FARP2: variants seen among roughly 807,000 people sequenced by gnomAD.
The protein encoded by FARP2 is FERM, ARH/RhoGEF and pleckstrin domain protein 2, also known as FERM, ARHGEF and pleckstrin domain-containing protein 2.
A neutral mutation model predicts 130.5 loss-of-function variants in FARP2; 111 were observed. That is an observed-to-expected ratio of 0.85 (90% CI 0.73 to 1.00). The LOEUF (loss-of-function observed/expected upper bound fraction) is 1.00. FARP2 is among the 50% of genes least tolerant of loss of function. The pLI is 0.00. For missense variants in FARP2, 1,385 were observed against 1,346.3 expected, an observed-to-expected ratio of 1.03 and a Z score of -0.45; for synonymous variants, 504 against 516.9, an observed-to-expected ratio of 0.98 and a Z score of 0.34.
At position 241,468,188 on chromosome 2, in the gene FARP2, GA is replaced by G. The variant is rs776365478; in HGVS notation, c.1946del (p.Lys649ArgfsTer31). The G allele has an allele frequency of 3.7e-6, 6 of 1,614,028 alleles. No individual in the cohort carries two copies. Among genetic ancestry groups the G allele is most frequent in the Non-Finnish European group, 5.1e-6 (6 of 1,179,920 alleles). On this transcript the variant is annotated frameshift_variant, in exon 18 of 27. Coordinates refer to ENST00000264042, the MANE Select transcript of FARP2 (RefSeq NM_014808.4). LOFTEE classifies it high-confidence loss of function. ...ACATGACGAGGTCCTAACAGAACTG[GA>G]AAAGGCTACCAAACGCTGTAAGAAG... ...QRHDEVLTEL[E>X]KATKRCKKLE...
chr2:241,470,056 T>C (rs1157396346), intron 18 of FARP2, among the ~76,000 whole-genome samples: 1 of 152,196 alleles, frequency 6.6e-6, no homozygotes, highest in Non-Finnish European at 1.5e-5. Context: ...TTTCCCTCCA[T>C]GACCCCACTC....
rs2064222430 is a variant in FARP2, at chr2:241,468,153, A to T, written c.1907A>T (p.Tyr636Phe). ...GCGCCTCCACAGGAGTTTACCAGCT[A>T]CTTCCAAAGACATGACGAGGTCCTA... is the stretch of plus-strand genomic sequence containing the variant. ...NMRQLKEFTSYFQRHDEVLTE... is the reference protein window; with the variant it reads ...NMRQLKEFTSFFQRHDEVLTE... Residue 636 changes from tyrosine to phenylalanine, a missense_variant, in exon 18 of 27, where the codon TAC (tyrosine) becomes TTC (phenylalanine). By Grantham distance (22) the Tyr-to-Phe change is conservative. Transcript: ENST00000264042. The T allele has an allele frequency of 3.7e-6, 6 of 1,612,836 alleles. No individual in the cohort carries two copies. In the Middle Eastern group the frequency reaches 8.2e-4, roughly 222 times the overall value.
intron 2 of FARP2, among the ~76,000 whole-genome samples, chr2:241,388,657 G>A (rs1197681470): frequency 6.6e-6 from 1 of 152,016 alleles, no homozygotes. Flanking sequence ...AACATAGCAA[G>A]ATCCCGTCAC....
intron 2 of FARP2, among the ~76,000 whole-genome samples, chr2:241,383,770 AT>A (rs1330597636): frequency 2.6e-5 from 4 of 152,098 alleles, no homozygotes; most frequent in Non-Finnish European, 5.9e-5. Context: ...AGGAGCCAAC[AT>A]GGTGCAAGGA....
At position 241,459,138 on chromosome 2, in the gene FARP2, C is replaced by T. The variant is rs1448943632; in HGVS notation, c.1587+2216C>T. Among the ~76,000 whole-genome samples the T allele has an allele frequency of 2.0e-5, 3 of 152,206 alleles. No homozygotes were observed. The highest frequency in any genetic ancestry group is 2.1e-4 in the South Asian group (1 of 4,834). On this transcript the variant is annotated intron_variant, in intron 14 of 26. Transcript: ENST00000264042. The surrounding 1 kb of genome is among the most constrained non-coding windows in gnomAD (Gnocchi z 5.3). ...GCTGTTGCCCAGCACAGGTGGGCTC[C>T]GAGATGGCAAGGATGGCCCTTTCAT...
intron 2 of FARP2, among the ~76,000 whole-genome samples, chr2:241,376,735 G>C (rs539553548): frequency 6.6e-6 from 1 of 152,346 alleles, no homozygotes; most frequent in Non-Finnish European, 1.5e-5. Flanking sequence ...TGGTCAGGTG[G>C]TTTTTGCTGT....
At chr2:241,455,695 A>G (rs2063813301) in intron 13 of FARP2, among the ~76,000 whole-genome samples, 1 of 150,490 alleles carries the variant, frequency 6.6e-6, no homozygotes, top group South Asian at 2.1e-4. Context: ...GGTGATTTTT[A>G]AACAGCAGTT....
intron 19 of FARP2, chr2:241,478,366 G>A (rs2064527246): frequency 5.2e-6 from 1 of 193,810 alleles, no homozygotes; most frequent in African/African-American, 2.4e-5. Context: ...GGCTGGCGGG[G>A]GCGACCTGTG....
intron 5 of FARP2, among the ~76,000 whole-genome samples, chr2:241,408,229 G>T (rs753695327): frequency 2.0e-5 from 3 of 152,136 alleles, no homozygotes; most frequent in Non-Finnish European, 4.4e-5. Context: ...AAAATAAGCC[G>T]GGCATGGTGG....
chr2:241,382,292 A>ATTT (rs772855102), intron 2 of FARP2, among the ~76,000 whole-genome samples: 11 of 126,254 alleles, frequency 8.7e-5, no homozygotes, highest in Middle Eastern at 4.2e-3. Context: ...TACAAAATCT[A>ATTT]TTTTTTTTTT....
chr2:241,456,560 C>T, intron 13 of FARP2, 187 bp from the exon 14 acceptor site: 1 of 616,904 alleles, frequency 1.6e-6, no homozygotes, highest in South Asian at 2.1e-5. Context: ...AACCATCAAC[C>T]CTCATTTTCA....
intron 25 of FARP2, 73 bp from the exon 26 acceptor site, chr2:241,493,220 C>A: frequency 1.3e-6 from 2 of 1,502,948 alleles, no homozygotes; most frequent in South Asian, 1.2e-5. Flanking sequence ...CACCGTTGTG[C>A]AGGTAGCAGA....
intron 18 of FARP2, among the ~76,000 whole-genome samples, chr2:241,474,801 T>TAATTAATAAATA (rs1553733956): frequency 7.1e-6 from 1 of 140,314 alleles, no homozygotes; most frequent in Non-Finnish European, 1.5e-5. Flanking sequence ...CTAATAATAA[T>TAATTAATAAATA]AATAAATAAA....
At chr2:241,381,904 G>T (rs924644121) in intron 2 of FARP2, among the ~76,000 whole-genome samples, 4 of 152,194 alleles carry the variant, frequency 2.6e-5, no homozygotes, top group Admixed American at 6.5e-5. Flanking sequence ...TCGAGCAAAG[G>T]CCCATTGGGT....
intron 8 of FARP2, among the ~76,000 whole-genome samples, chr2:241,426,438 A>C (rs1279115465): frequency 6.6e-6 from 1 of 152,250 alleles, no homozygotes; most frequent in Non-Finnish European, 1.5e-5. Flanking sequence ...TTTAAAATTT[A>C]CCAACAATTA....
intron 12 of FARP2, among the ~76,000 whole-genome samples, chr2:241,437,648 A>ATATTTATTTATT (rs546520221): frequency 6.4e-5 from 9 of 139,546 alleles, no homozygotes; most frequent in East Asian, 4.4e-4. Context: ...ACATATATAT[A>ATATTTATTTATT]TATTTATTTA....
chr2:241,441,674 A>T (rs772899907), intron 13 of FARP2, 118 bp downstream of exon 13: 72 of 1,409,010 alleles, frequency 5.1e-5, no homozygotes, highest in Non-Finnish European at 7.0e-5. Flanking sequence ...GCTGCTTGTA[A>T]AAATGACAAT....
rs139895598 is a variant in FARP2 at position 241,493,002 on chromosome 2, C to A, written c.2861C>A (p.Thr954Asn). Residue 954 changes from threonine to asparagine, a missense_variant, in exon 25 of 27, where the codon ACC (threonine) becomes AAC (asparagine). Coordinates refer to ENST00000264042, the MANE Select transcript of FARP2 (RefSeq NM_014808.4). Reference protein sequence around the residue: ...HGWQKLWVVFTNFCLFFYKTH... With the variant: ...HGWQKLWVVFNNFCLFFYKTH... ...TGGCAGAAGCTCTGGGTCGTCTTTACCAACTTCTGTTTGTTCTTCTACAAA... is the reference window on the plus strand; with the variant it reads ...TGGCAGAAGCTCTGGGTCGTCTTTAACAACTTCTGTTTGTTCTTCTACAAA... The A allele has an allele frequency of 1.9e-6, 3 of 1,609,986 alleles. No homozygotes were observed. The African/African-American group carries it at 4.0e-5, about 21-fold the overall frequency.
At chr2:241,356,409 G>A (rs1381783272) in intron 1 of FARP2, 21 bp downstream of exon 1, 2 of 152,244 alleles carry the variant, frequency 1.3e-5, no homozygotes, top group Non-Finnish European at 2.9e-5. Flanking sequence ...GAAGCGGCCT[G>A]GGCGCGTGGG....
Sources: allele counts gnomAD v4.1 joint callset (sites outside exome capture counted in the v4.1 genomes callset), GRCh38; gene constraint gnomAD v4.1.1; non-coding constraint Gnocchi (gnomAD v3.1); transcripts MANE v1.5; gene names NCBI Gene and HGNC (gene_info 2026-07-23, HGNC 2026-07-21).